SH3RF3: variants seen among roughly 807,000 people sequenced by gnomAD.
SH3RF3 encodes SH3 domain containing ring finger 3, also known as E3 ubiquitin-protein ligase SH3RF3.
In SH3RF3, 29 loss-of-function variants were observed where a neutral mutation model predicts 66.3. The observed-to-expected ratio is 0.44, with a 90% CI of 0.33 to 0.60. The LOEUF (loss-of-function observed/expected upper bound fraction) is 0.60, where lower values mean the gene tolerates loss of function less well. SH3RF3 is among the 20% of genes least tolerant of loss of function. The probability of loss-of-function intolerance (pLI) is 0.04; values close to 1 mark genes in which losing one functional copy is unlikely to be tolerated. For synonymous variants in SH3RF3, 583 were observed against 532.0 expected, an observed-to-expected ratio of 1.10 and a Z score of -1.32; for missense variants, 1,194 against 1,190.9, an observed-to-expected ratio of 1.00 and a Z score of -0.04.
intron 8 of SH3RF3, among the ~76,000 whole-genome samples, chr2:109,487,609 GCAGA>G (rs1679017347): frequency 6.6e-6 from 1 of 152,218 alleles, no homozygotes; most frequent in African/African-American, 2.4e-5. Context: ...CCTTTCCAAA[GCAGA>G]CAGCTAAGGT....
At chr2:109,223,687 G>A (rs1679307914) in intron 1 of SH3RF3, among the ~76,000 whole-genome samples, 1 of 152,156 alleles carries the variant, frequency 6.6e-6, no homozygotes, top group South Asian at 2.1e-4. Context: ...TGCCCCCCAC[G>A]TGATGCTGCC....
At chr2:109,320,919 C>T (rs1682011379) in intron 1 of SH3RF3, among the ~76,000 whole-genome samples, 1 of 152,226 alleles carries the variant, frequency 6.6e-6, no homozygotes, top group Admixed American at 6.5e-5. Flanking sequence ...ACCACAAACA[C>T]TTCATCTGTA....
chr2:109,340,678 C>T (rs770799268), intron 1 of SH3RF3, among the ~76,000 whole-genome samples: 1 of 152,136 alleles, frequency 6.6e-6, no homozygotes, highest in Non-Finnish European at 1.5e-5. Flanking sequence ...GTTTTTATAG[C>T]TCCTTTTTCA....
At chr2:109,291,391 G>A (rs1023562781) in intron 1 of SH3RF3, among the ~76,000 whole-genome samples, 1 of 151,748 alleles carries the variant, frequency 6.6e-6, no homozygotes, top group Non-Finnish European at 1.5e-5. Flanking sequence ...TGCCCAAACA[G>A]TGAGTGGGGA....
chr2:109,164,660 T>G (rs940563646), intron 1 of SH3RF3, among the ~76,000 whole-genome samples: 4 of 152,180 alleles, frequency 2.6e-5, no homozygotes, highest in African/African-American at 9.7e-5. Flanking sequence ...AAAAGAGCAC[T>G]TACTTGTATC....
intron 1 of SH3RF3, among the ~76,000 whole-genome samples, chr2:109,234,712 A>G (rs544326094): frequency 1.9e-4 from 29 of 152,368 alleles, no homozygotes; most frequent in Non-Finnish European, 3.8e-4. Flanking sequence ...GGCTGATAGC[A>G]CACAGGCTCT....
chr2:109,322,408 G>A (rs1157873152), intron 1 of SH3RF3, among the ~76,000 whole-genome samples: 4 of 152,194 alleles, frequency 2.6e-5, no homozygotes, highest in Non-Finnish European at 4.4e-5. Flanking sequence ...AGGAATCCAG[G>A]AGCCTGAACT....
intron 3 of SH3RF3, among the ~76,000 whole-genome samples, chr2:109,386,524 G>A (rs1000610195): frequency 1.3e-5 from 2 of 152,202 alleles, no homozygotes; most frequent in Non-Finnish European, 2.9e-5. Flanking sequence ...AAAAACCAGC[G>A]TTAGCTGGAT....
At chr2:109,319,875 T>A (rs1247036142) in intron 1 of SH3RF3, among the ~76,000 whole-genome samples, 3 of 152,206 alleles carry the variant, frequency 2.0e-5, no homozygotes, top group Non-Finnish European at 1.5e-5. Context: ...CCATTTGCCC[T>A]GCATTTGGGA....
chr2:109,390,609 G>GGTGACATAACT (rs980547020), intron 3 of SH3RF3, among the ~76,000 whole-genome samples: 1 of 152,188 alleles, frequency 6.6e-6, no homozygotes, highest in African/African-American at 2.4e-5. Context: ...GAGGAAGAAG[G>GGTGACATAACT]GTGACATAAC....
At chr2:109,414,086 T>C (rs1275132622) in intron 4 of SH3RF3, among the ~76,000 whole-genome samples, 1 of 152,150 alleles carries the variant, frequency 6.6e-6, no homozygotes, top group Non-Finnish European at 1.5e-5. Flanking sequence ...TCCTTCTGTT[T>C]ATTGGGCTGC....
intron 8 of SH3RF3, among the ~76,000 whole-genome samples, chr2:109,483,720 C>T (rs1678892593): frequency 6.6e-6 from 1 of 152,236 alleles, no homozygotes. Context: ...TTGTGGCTGT[C>T]ACCCAGCTGT....
chr2:109,142,356 G>C (rs1415241962), intron 1 of SH3RF3, among the ~76,000 whole-genome samples: 1 of 152,104 alleles, frequency 6.6e-6, no homozygotes, highest in African/African-American at 2.4e-5. Flanking sequence ...ACTCTAAAAT[G>C]TGCCTCCTCT....
chr2:109,144,292 T>A (rs567005803), intron 1 of SH3RF3, among the ~76,000 whole-genome samples: 1 of 152,260 alleles, frequency 6.6e-6, no homozygotes, highest in Non-Finnish European at 1.5e-5. Context: ...ACCTTAAATA[T>A]ATACAATTTT....
intron 3 of SH3RF3, among the ~76,000 whole-genome samples, chr2:109,373,257 A>T (rs947453829): frequency 6.6e-6 from 1 of 152,230 alleles, no homozygotes; most frequent in Non-Finnish European, 1.5e-5. Flanking sequence ...ACCACTTACA[A>T]TGTCGTCCAG....
At chr2:109,370,855 G>A (rs907278942) in intron 2 of SH3RF3, among the ~76,000 whole-genome samples, 4 of 152,108 alleles carry the variant, frequency 2.6e-5, no homozygotes, top group East Asian at 1.9e-4. Context: ...AATTGAAGAG[G>A]GTTACTGAAA....
At chr2:109,443,192 T>G (rs1677616761) in intron 7 of SH3RF3, among the ~76,000 whole-genome samples, 1 of 152,274 alleles carries the variant, frequency 6.6e-6, no homozygotes, top group Non-Finnish European at 1.5e-5. Flanking sequence ...TAGTAGATTC[T>G]ATTTTATTTA....
At chr2:109,265,603 GC>G (rs1312590496) in intron 1 of SH3RF3, among the ~76,000 whole-genome samples, 1 of 152,210 alleles carries the variant, frequency 6.6e-6, no homozygotes, top group Non-Finnish European at 1.5e-5. Context: ...GACTCAGAAA[GC>G]CCCCCAGGGG....
At chr2:109,301,440 G>A (rs917293669) in intron 1 of SH3RF3, among the ~76,000 whole-genome samples, 21 of 152,082 alleles carry the variant, frequency 1.4e-4, no homozygotes, top group Non-Finnish European at 2.6e-4. Flanking sequence ...CCTCTCCTCC[G>A]GGGATTGCTG....
Sources: allele counts gnomAD v4.1 joint callset (sites outside exome capture counted in the v4.1 genomes callset), GRCh38; gene constraint gnomAD v4.1.1; transcripts MANE v1.5; gene names NCBI Gene and HGNC (gene_info 2026-07-23, HGNC 2026-07-21).